FAM186B: variants seen among roughly 807,000 people sequenced by gnomAD.
FAM186B encodes the protein family with sequence similarity 186 member B.
Under a neutral mutation model 83.4 loss-of-function variants are expected in FAM186B, and 68 were observed. The ratio of observed to expected loss-of-function variants is 0.81; its 90% CI spans 0.67 to 1.00. The LOEUF (loss-of-function observed/expected upper bound fraction) is 1.00, where lower values mean the gene tolerates loss of function less well. Ranked by LOEUF, FAM186B falls within the 50% of genes least tolerant of loss-of-function variation. The pLI is 0.00. For synonymous variants in FAM186B, 389 were observed against 422.0 expected (o/e 0.92, Z 0.96); for missense variants, 983 against 1,099.2 (o/e 0.89, Z 1.49).
At chr12:49,585,557 C>G (rs1056790778), downstream of FAM186B, among the ~76,000 whole-genome samples, 2 of 152,174 alleles carry the variant, frequency 1.3e-5, no homozygotes, top group African/African-American at 4.8e-5. Flanking sequence ...GCATCTCAAA[C>G]CATGGAGGGA....
At chr12:49,612,745 T>C in the FAM186B span, among the ~76,000 whole-genome samples, 1 of 152,146 alleles carries the variant, frequency 6.6e-6, no homozygotes, top group African/African-American at 2.4e-5. Context: ...CAAGTACTTC[T>C]AGACCTACAA....
chr12:49,600,459 G>A lies in FAM186B; in HGVS notation c.1181C>T (p.Thr394Ile). The A allele has an allele frequency of 6.2e-7, 1 of 1,613,612 alleles. No homozygotes were observed. Among genetic ancestry groups the A allele is most frequent in the Non-Finnish European group, 8.5e-7 (1 of 1,179,674 alleles). The change falls in exon 4 of 7, where the codon ACC (threonine) becomes ATC (isoleucine). Residue 394 changes from threonine (T) to isoleucine (I), a missense_variant. Physicochemically the swap from Thr to Ile is moderately conservative, Grantham distance 89. Transcript: ENST00000257894. This position sits in a 1 kb window ranked among gnomAD's most constrained non-coding sequence, Gnocchi z 4.3. The part of the protein sequence containing the change: ...AIAAGHQPLS[T>I]MTVRSRVADV... ...TGCGACCCTCGAGCGCACAGTCATG[G>A]TGGAAAGTGGCTGGTGCCCTGCAGC...
At chr12:49,598,656 C>T in intron 5 of FAM186B, 99 bp downstream of exon 5, 1 of 1,118,798 alleles carries the variant, frequency 8.9e-7, no homozygotes, top group Non-Finnish European at 1.3e-6. Flanking sequence ...GTCCCGCAGT[C>T]TCAGCCACAT....
At position 49,603,205 on chromosome 12, in the gene FAM186B, C is replaced by T. The variant is rs1236242915; in HGVS notation, c.485G>A (p.Gly162Glu). 1 of 1,614,062 alleles carries T rather than the reference C, an allele frequency of 6.2e-7. No homozygotes were observed. Among genetic ancestry groups the T allele is most frequent in the East Asian group, 2.2e-5 (1 of 44,902 alleles). The change falls in exon 3 of 7, where the codon GGA becomes GAA. Residue 162 changes from glycine (G) to glutamate (E), a missense_variant. By Grantham distance (98) the Gly-to-Glu change is moderately conservative. Transcript: ENST00000257894. Reference protein sequence around the residue: ...LTALCSTLIEGQKKRSQVSKR... With the variant: ...LTALCSTLIEEQKKRSQVSKR... ...CCTACCTTGTGACCTTTTCTTTTGTCCTTCAATGAGAGTGGAGCAAAGGGC... is the reference window on the plus strand; with the variant it reads ...CCTACCTTGTGACCTTTTCTTTTGTTCTTCAATGAGAGTGGAGCAAAGGGC...
chr12:49,604,441 T>G lies in FAM186B; in HGVS notation c.194A>C (p.Lys65Thr). The change falls in exon 2 of 7, where the codon AAA becomes ACA. Residue 65 changes from lysine (K) to threonine (T), a missense_variant. Transcript: ENST00000257894. ...GCCCTTTGGATCTCTCTGCTGAGAT[T>G]TGGCATTTTCTTTTAAATCATATCC... The part of the protein sequence containing the change: ...ELGYDLKENA[K>T]SQQRDPKGKK... The G allele has an allele frequency of 6.2e-7, 1 of 1,614,242 alleles. No individual in the cohort carries two copies. The highest frequency in any genetic ancestry group is 8.5e-7 in the Non-Finnish European group (1 of 1,180,034).
At chr12:49,597,414 G>A (rs1939753198) in intron 5 of FAM186B, among the ~76,000 whole-genome samples, 1 of 151,222 alleles carries the variant, frequency 6.6e-6, no homozygotes, top group Non-Finnish European at 1.5e-5. Flanking sequence ...AAAAACAAAA[G>A]GCCGAATTGA....
At chr12:49,596,979 C>CTTAT in intron 5 of FAM186B, among the ~76,000 whole-genome samples, 1 of 152,308 alleles carries the variant, frequency 6.6e-6, no homozygotes, top group Middle Eastern at 3.4e-3. Context: ...ACCGTGGTCT[C>CTTAT]ATAAGATTAT....
the FAM186B span, among the ~76,000 whole-genome samples, chr12:49,614,134 G>A: frequency 2.0e-5 from 3 of 148,656 alleles, no homozygotes; most frequent in Non-Finnish European, 4.5e-5. Context: ...TGGGCAACAA[G>A]AGTGAAACTC....
At chr12:49,601,691 A>G (rs1939898317) in intron 3 of FAM186B, among the ~76,000 whole-genome samples, 2 of 151,558 alleles carry the variant, frequency 1.3e-5, no homozygotes. Context: ...GGAAAGCAGC[A>G]GACCCTCTCT....
At chr12:49,621,248 T>C in the FAM186B span, among the ~76,000 whole-genome samples, 1 of 152,108 alleles carries the variant, frequency 6.6e-6, no homozygotes, top group African/African-American at 2.4e-5. Context: ...CCGGGTGTGG[T>C]GGCGCATGCC....
chr12:49,593,860 A>G (rs1179953037), intron 5 of FAM186B, among the ~76,000 whole-genome samples: 1 of 152,204 alleles, frequency 6.6e-6, no homozygotes, highest in Non-Finnish European at 1.5e-5. Flanking sequence ...GCAATCTTAA[A>G]TGTGTATGCA....
upstream of FAM186B, among the ~76,000 whole-genome samples, chr12:49,610,282 T>G (rs1940071361): frequency 6.6e-6 from 1 of 152,130 alleles, no homozygotes. Flanking sequence ...AAAATCTGAA[T>G]GTAGTGACAC....
At chr12:49,587,902 CT>C in intron 6 of FAM186B, 150 bp from the exon 7 acceptor site, 1 of 893,946 alleles carries the variant, frequency 1.1e-6, no homozygotes, top group South Asian at 1.8e-5. Flanking sequence ...CCCTCCAACA[CT>C]GAGTCTGAAT....
At chr12:49,585,179 C>T (rs1187577331), downstream of FAM186B, among the ~76,000 whole-genome samples, 8 of 152,166 alleles carry the variant, frequency 5.3e-5, no homozygotes, top group East Asian at 5.8e-4. Context: ...CCACCATGCC[C>T]GGCTAATTTT....
intron 5 of FAM186B, among the ~76,000 whole-genome samples, chr12:49,592,600 A>G (rs1027563682): frequency 2.0e-5 from 3 of 152,156 alleles, no homozygotes; most frequent in South Asian, 2.1e-4. Context: ...CCTGGCCAAC[A>G]TGGCAAAACC....
At chr12:49,591,247 C>G (rs547289159) in intron 5 of FAM186B, among the ~76,000 whole-genome samples, 4 of 152,274 alleles carry the variant, frequency 2.6e-5, no homozygotes, top group Admixed American at 2.6e-4. Flanking sequence ...GAGGAAGCCA[C>G]ATGGCAAGGA....
At chr12:49,618,119 G>T in the FAM186B span, among the ~76,000 whole-genome samples, 12 of 152,222 alleles carry the variant, frequency 7.9e-5, no homozygotes, top group South Asian at 2.5e-3. Flanking sequence ...GGCTGAGGTG[G>T]GTGGATCACA....
intron 5 of FAM186B, chr12:49,595,323 CAT>C (rs1939689780): frequency 6.5e-6 from 4 of 617,190 alleles, no homozygotes; most frequent in South Asian, 1.4e-5. Flanking sequence ...GACCATATGA[CAT>C]AGTAGTTCTA....
rs1363324859 is a variant in FAM186B, at chr12:49,600,674, C to G, written c.966G>C (p.Gln322His). The G allele has an allele frequency of 6.2e-7, 1 of 1,614,178 alleles. No homozygotes were observed. Residue 322 changes from glutamine to histidine, a missense_variant, in exon 4 of 7, where the codon CAG (glutamine) becomes CAC (histidine). By Grantham distance (24) the Gln-to-His change is conservative. Coordinates refer to ENST00000257894, the MANE Select transcript of FAM186B (RefSeq NM_032130.3). The surrounding 1 kb of genome is among the most constrained non-coding windows in gnomAD (Gnocchi z 4.3). ...QALEFQLKKAQNATGQAEDLA... is the reference protein window; with the variant it reads ...QALEFQLKKAHNATGQAEDLA... ...GGTCTTCTGCCTGACCTGTAGCATT[C>G]TGAGCCTTCTTCAGCTGGAACTCCA...
Sources: gnomAD v4.1 joint callset for allele counts (sites outside exome capture counted in the v4.1 genomes callset) on GRCh38, gnomAD v4.1.1 for gene constraint, Gnocchi (gnomAD v3.1) non-coding constraint, MANE v1.5 for transcripts, NCBI Gene and HGNC (gene_info 2026-07-23, HGNC 2026-07-21) for gene names.